The following CEACAM5 variants were observed in gnomAD, a reference collection of about 807,000 sequenced individuals.
CEACAM5 encodes CEA cell adhesion molecule 5.
In CEACAM5, 52 loss-of-function variants were observed where a neutral mutation model predicts 63.0. The observed-to-expected ratio is 0.83, with a 90% confidence interval of 0.66 to 1.04. CEACAM5 has a LOEUF of 1.04. Among genes scored for constraint, CEACAM5 ranks in the 50% least tolerant of loss-of-function variants. The probability of loss-of-function intolerance (pLI) is 0.00; values close to 1 mark genes in which losing one functional copy is unlikely to be tolerated. For synonymous variants in CEACAM5, 357 were observed against 351.3 expected, an observed-to-expected ratio of 1.02 and a Z score of -0.18; for missense variants, 790 against 864.8, an observed-to-expected ratio of 0.91 and a Z score of 1.08.
At chr19:41,711,836 G>A (rs943215703) in intron 2 of CEACAM5, among the ~76,000 whole-genome samples, 1 of 151,956 alleles carries the variant, frequency 6.6e-6, no homozygotes, top group African/African-American at 2.4e-5. Context: ...GAACAAGGCT[G>A]GCTGTCCTGT....
chr19:41,722,495 T>A (rs1255943683), intron 8 of CEACAM5, among the ~76,000 whole-genome samples: 3 of 152,096 alleles, frequency 2.0e-5, no homozygotes, highest in Non-Finnish European at 4.4e-5. Flanking sequence ...AAACAGTAAC[T>A]CCTTCTCTCC....
At chr19:41,713,253 T>C (rs1019872676) in intron 2 of CEACAM5, among the ~76,000 whole-genome samples, 15 of 151,746 alleles carry the variant, frequency 9.9e-5, no homozygotes, top group African/African-American at 3.1e-4. Context: ...TGCAGTGAGC[T>C]GAGATCGTGC....
At chr19:41,715,456 G>T in intron 3 of CEACAM5, 194 bp from the exon 4 acceptor site, 2 of 1,113,158 alleles carry the variant, frequency 1.8e-6, no homozygotes, top group Middle Eastern at 1.9e-4. Context: ...TGTCCTGGGA[G>T]GCTCAGGGTC....
Position 41,718,318 on chromosome 19 carries a change from C to G in CEACAM5, c.1428C>G (p.Thr476=). Residue 476 remains threonine, a synonymous_variant, in exon 6 of 10, where the codon ACC becomes ACG. Coordinates refer to ENST00000221992, the MANE Select transcript of CEACAM5 (RefSeq NM_004363.6). The stretch of plus-strand genomic sequence containing the variant: ...CTGAGAAGAACAGCGGACTCTATAC[C>G]TGCCAGGCCAATAACTCAGCCAGTG... The part of the protein sequence containing the change: ...NITEKNSGLY[T]CQANNSASGH... The G allele has an allele frequency of 6.2e-7, 1 of 1,614,198 alleles. No homozygotes were observed. Among genetic ancestry groups the G allele is most frequent in the South Asian group, 1.1e-5 (1 of 91,082 alleles).
intron 2 of CEACAM5, among the ~76,000 whole-genome samples, chr19:41,710,797 C>G (rs1827776951): frequency 6.6e-6 from 1 of 152,232 alleles, no homozygotes; most frequent in Admixed American, 6.5e-5. Flanking sequence ...GGCCTTCTCT[C>G]TTGGAGGCAA....
At chr19:41,715,945 G>A in intron 4 of CEACAM5, 41 bp downstream of exon 4, 1 of 1,595,500 alleles carries the variant, frequency 6.3e-7, no homozygotes, top group Non-Finnish European at 8.6e-7. Flanking sequence ...GTTTTGAGGT[G>A]GAGTCTGTCT....
Position 41,709,762 on chromosome 19 carries a change from G to T in CEACAM5, c.147G>T (p.Lys49Asn). The T allele has an allele frequency of 6.2e-7, 1 of 1,614,174 alleles. No individual in the cohort carries two copies. The highest frequency in any genetic ancestry group is 8.5e-7 in the Non-Finnish European group (1 of 1,180,020). The change falls in exon 2 of 10, where the codon AAG becomes AAT. Residue 49 changes from lysine to asparagine, a missense_variant. Lys to Asn is a moderately conservative substitution (Grantham distance 94, BLOSUM62 0). Transcript: ENST00000221992. ...CGCCGTTCAATGTCGCAGAGGGGAA[G>T]GAGGTGCTTCTACTTGTCCACAATC... ...ESTPFNVAEG[K>N]EVLLLVHNLP...
At chr19:41,717,900 A>T (rs2072553073) in intron 5 of CEACAM5, among the ~76,000 whole-genome samples, 167 bp downstream of exon 5, 2 of 152,156 alleles carry the variant, frequency 1.3e-5, no homozygotes, top group African/African-American at 2.4e-5. Flanking sequence ...CCTGACCAAG[A>T]ATAGGAGGGG....
At chr19:41,715,356 C>A (rs782349447) in intron 3 of CEACAM5, 107 bp downstream of exon 3, 2 of 1,492,676 alleles carry the variant, frequency 1.3e-6, no homozygotes, top group Admixed American at 1.7e-5. Flanking sequence ...ACCCTCAACC[C>A]TGGACATCCA....
chr19:41,715,717 C>A lies in CEACAM5; in HGVS notation c.771C>A (p.Leu257=), dbSNP rs782813662. Residue 257 remains leucine, a synonymous_variant, in exon 4 of 10, where the codon CTC becomes CTA. Coordinates refer to ENST00000221992, the MANE Select transcript of CEACAM5 (RefSeq NM_004363.6). ...ACAGATCAGGGGAAAATCTGAACCTCTCCTGCCACGCAGCCTCTAACCCAC... is the reference window on the plus strand; with the variant it reads ...ACAGATCAGGGGAAAATCTGAACCTATCCTGCCACGCAGCCTCTAACCCAC... ...TSYRSGENLN[L]SCHAASNPPA... 2 of 1,614,092 alleles carry A rather than the reference C, an allele frequency of 1.2e-6. No homozygotes were observed. Among genetic ancestry groups the A allele is most frequent in the African/African-American group, 2.7e-5 (2 of 74,928 alleles).
intron 4 of CEACAM5, 71 bp from the exon 5 acceptor site, chr19:41,717,384 C>A (rs988470175): frequency 2.0e-6 from 3 of 1,538,406 alleles, no homozygotes; most frequent in Non-Finnish European, 2.7e-6. Context: ...GATGCCAACT[C>A]TGATTGATAG....
rs782034562 is a variant in CEACAM5, at chr19:41,720,226, C to G, written c.1771+18C>G. 6.8e-6 allele frequency: 11 copies of G among 1,608,084 alleles called. No individual in the cohort carries two copies. The highest frequency in any genetic ancestry group is 2.2e-5 in the East Asian group (1 of 44,790). On this transcript the variant is annotated intron_variant, in intron 7 of 9. Transcript: ENST00000221992. Reference sequence around the variant, plus strand: ...TGTCCTCTGTGAGTATCTTCTGTTCCTCTGTGGCCCTGGTTTCCAACCCAA... The same window carrying G: ...TGTCCTCTGTGAGTATCTTCTGTTCGTCTGTGGCCCTGGTTTCCAACCCAA...
chr19:41,723,380 T>C (rs1555816605), intron 8 of CEACAM5, among the ~76,000 whole-genome samples: 1 of 152,182 alleles, frequency 6.6e-6, no homozygotes, highest in African/African-American at 2.4e-5. Flanking sequence ...TGGAGTATCA[T>C]TGTGGCTTTG....
chr19:41,726,605 G>A (rs2072703628), intron 8 of CEACAM5, among the ~76,000 whole-genome samples: 1 of 152,176 alleles, frequency 6.6e-6, no homozygotes, highest in South Asian at 2.1e-4. Flanking sequence ...GAAGTGGGAG[G>A]AGCCTGAGAG....
At chr19:41,713,781 G>A (rs1271270800) in intron 2 of CEACAM5, among the ~76,000 whole-genome samples, 1 of 152,198 alleles carries the variant, frequency 6.6e-6, no homozygotes, top group Admixed American at 6.5e-5. Context: ...AACACACATG[G>A]TCCTTGAGGG....
At position 41,715,719 on chromosome 19, in the gene CEACAM5, C is replaced by T; in HGVS notation, c.773C>T (p.Ser258Phe). The part of the protein sequence containing the change: ...SYRSGENLNL[S>F]CHAASNPPAQ... Reference sequence around the variant, plus strand: ...AGATCAGGGGAAAATCTGAACCTCTCCTGCCACGCAGCCTCTAACCCACCT... The same window carrying T: ...AGATCAGGGGAAAATCTGAACCTCTTCTGCCACGCAGCCTCTAACCCACCT... Residue 258 changes from serine (S) to phenylalanine (F), a missense_variant, in exon 4 of 10, where the codon TCC (serine) becomes TTC (phenylalanine). Physicochemically the swap from Ser to Phe is radical, Grantham distance 155. Transcript: ENST00000221992. 6.2e-7 allele frequency: 1 copy of T among 1,614,194 alleles called. No individual in the cohort carries two copies. The highest frequency in any genetic ancestry group is 8.5e-7 in the Non-Finnish European group (1 of 1,180,042).
At chr19:41,720,267 G>A (rs782227911) in intron 7 of CEACAM5, 59 bp downstream of exon 7, 2 of 1,567,734 alleles carry the variant, frequency 1.3e-6, no homozygotes, top group African/African-American at 2.7e-5. Flanking sequence ...CACAGCCAGA[G>A]GCCAGGACTC....
Position 41,715,726 on chromosome 19 carries a change from C to T in CEACAM5, c.780C>T (p.His260=), listed in dbSNP as rs781882470. Reference sequence around the variant, plus strand: ...GGGAAAATCTGAACCTCTCCTGCCACGCAGCCTCTAACCCACCTGCACAGT... The same window carrying T: ...GGGAAAATCTGAACCTCTCCTGCCATGCAGCCTCTAACCCACCTGCACAGT... ...RSGENLNLSC[H]AASNPPAQYS... is the part of the protein sequence containing the mutation. Residue 260 remains histidine (H), a synonymous_variant, in exon 4 of 10, where the codon CAC becomes CAT. Transcript: ENST00000221992. 57 of 1,614,078 alleles carry T rather than the reference C, an allele frequency of 3.5e-5. No homozygotes were observed. In the South Asian group the frequency reaches 4.2e-4, roughly 12 times the overall value.
chr19:41,715,120 C>G lies in CEACAM5; in HGVS notation c.574C>G (p.Gln192Glu), dbSNP rs1555814674. The G allele has an allele frequency of 6.2e-7, 1 of 1,614,228 alleles. No individual in the cohort carries two copies. Among genetic ancestry groups the G allele is most frequent in the Non-Finnish European group, 8.5e-7 (1 of 1,180,038 alleles). The change falls in exon 3 of 10, where the codon CAG becomes GAG. Residue 192 changes from glutamine to glutamate, a missense_variant. Gln to Glu is a conservative substitution (Grantham distance 29). Coordinates refer to ENST00000221992, the MANE Select transcript of CEACAM5 (RefSeq NM_004363.6). ...NQSLPVSPRL[Q>E]LSNGNRTLTL... ...GAGCCTCCCGGTCAGTCCCAGGCTG[C>G]AGCTGTCCAATGGCAACAGGACCCT...
Sources: gnomAD v4.1 joint callset for allele counts (sites outside exome capture counted in the v4.1 genomes callset) on GRCh38, gnomAD v4.1.1 for gene constraint, MANE v1.5 for transcripts, NCBI Gene and HGNC (gene_info 2026-07-23, HGNC 2026-07-21) for gene names.